The following B3GAT2 variants were observed in gnomAD, a reference collection of about 807,000 sequenced individuals.
B3GAT2 encodes the protein galactosylgalactosylxylosylprotein 3-beta-glucuronosyltransferase 2.
Under a neutral mutation model 27.8 loss-of-function variants are expected in B3GAT2, and 26 were observed. The observed-to-expected ratio is 0.93, with a 90% CI of 0.68 to 1.30. The LOEUF (loss-of-function observed/expected upper bound fraction) is 1.30, where lower values mean the gene tolerates loss of function less well. Ranked by LOEUF, B3GAT2 falls within the 50% of genes most tolerant of loss-of-function variation. The pLI is 0.00. For missense variants in B3GAT2, 458 were observed against 459.0 expected, an observed-to-expected ratio of 1.00 and a Z score of 0.02; for synonymous variants, 218 against 195.1, an observed-to-expected ratio of 1.12 and a Z score of -0.98.
chr6:70,862,727 T>C (rs1316440551), intron 2 of B3GAT2, among the ~76,000 whole-genome samples: 6 of 152,182 alleles, frequency 3.9e-5, no homozygotes, highest in Non-Finnish European at 8.8e-5. Flanking sequence ...CTCAGCACTT[T>C]GGGAGGCCAA....
In B3GAT2 at chr6:70,902,637, T is replaced by TAC. The variant is rs1211771771; in HGVS notation, c.592-8367_592-8366dup. On this transcript the variant is annotated intron_variant, in intron 1 of 3. Transcript: ENST00000230053. ...AATGGGATATATATATATATATATA[T>TAC]ACACACACACACACACACACACACA... Among the ~76,000 whole-genome samples the TAC allele has an allele frequency of 2.0e-3, 270 of 133,460 alleles. 1 individual carries two copies. Among genetic ancestry groups the TAC allele is most frequent in the Middle Eastern group, 0.015 (4 of 264 alleles). The allele number at this position is 133,460 out of a possible 152,430, so 87.6% of individuals were successfully genotyped here.
chr6:70,938,477 G>A (rs1174962534), intron 1 of B3GAT2, among the ~76,000 whole-genome samples: 1 of 151,862 alleles, frequency 6.6e-6, no homozygotes, highest in African/African-American at 2.4e-5. Flanking sequence ...CAAAGCTGGA[G>A]GCATCACACT....
chr6:70,882,699 A>C (rs552231346), intron 2 of B3GAT2, among the ~76,000 whole-genome samples: 15 of 152,292 alleles, frequency 9.8e-5, no homozygotes, highest in African/African-American at 3.4e-4. Flanking sequence ...AGCAAGAATA[A>C]ACCAAACAAC....
At chr6:70,910,168 C>A (rs533951586) in intron 1 of B3GAT2, among the ~76,000 whole-genome samples, 5 of 152,146 alleles carry the variant, frequency 3.3e-5, no homozygotes, top group African/African-American at 1.2e-4. Context: ...CCACTGTGCC[C>A]GGCCCCTCTT....
intron 1 of B3GAT2, among the ~76,000 whole-genome samples, chr6:70,912,009 T>A (rs751911921): frequency 2.7e-4 from 41 of 152,316 alleles, no homozygotes; most frequent in Non-Finnish European, 5.3e-4. Context: ...ACACTGCAAC[T>A]TTGCTGAAGT....
chr6:70,908,897 C>A (rs1367888373), intron 1 of B3GAT2, among the ~76,000 whole-genome samples: 2 of 152,052 alleles, frequency 1.3e-5, no homozygotes, highest in Non-Finnish European at 2.9e-5. Context: ...ATGGAGAGAA[C>A]CTTTTAAGAT....
rs768419572 is a variant in B3GAT2 at position 70,955,937 on chromosome 6, C to A, written c.493G>T (p.Ala165Ser). 9 of 1,583,800 alleles carry A rather than the reference C, an allele frequency of 5.7e-6. No individual in the cohort carries two copies. Among genetic ancestry groups the A allele is most frequent in the Non-Finnish European group, 7.7e-6 (9 of 1,167,128 alleles). The change falls in exon 1 of 4, where the codon GCC becomes TCC. Residue 165 changes from alanine (A) to serine (S), a missense_variant. Physicochemically the swap from Ala to Ser is moderately conservative, Grantham distance 99. Transcript: ENST00000230053. ...RATEQRNAGL[A>S]WLRQRHQHQR... Reference sequence around the variant, plus strand: ...TGCTGGTGCCTCTGGCGCAGCCAGGCGAGGCCCGCGTTGCGCTGCTCAGTG... The same window carrying A: ...TGCTGGTGCCTCTGGCGCAGCCAGGAGAGGCCCGCGTTGCGCTGCTCAGTG...
intron 1 of B3GAT2, among the ~76,000 whole-genome samples, chr6:70,907,803 C>G (rs988014413): frequency 6.6e-6 from 1 of 152,206 alleles, no homozygotes; most frequent in South Asian, 2.1e-4. Flanking sequence ...CCCTGGCAAA[C>G]TTTGTGAGAC....
chr6:70,941,007 G>T (rs944930269), intron 1 of B3GAT2, among the ~76,000 whole-genome samples: 1 of 152,138 alleles, frequency 6.6e-6, no homozygotes, highest in African/African-American at 2.4e-5. Flanking sequence ...TCCTTTAGAT[G>T]CTTTTAGTTC....
At chr6:70,881,394 C>CT (rs540028254) in intron 2 of B3GAT2, among the ~76,000 whole-genome samples, 1 of 152,108 alleles carries the variant, frequency 6.6e-6, no homozygotes, top group East Asian at 1.9e-4. Flanking sequence ...TCTTGGTTTA[C>CT]TTTTTTTAAT....
intron 1 of B3GAT2, among the ~76,000 whole-genome samples, chr6:70,922,246 GAA>G (rs1772881785): frequency 6.6e-6 from 1 of 152,112 alleles, no homozygotes; most frequent in African/African-American, 2.4e-5. Flanking sequence ...AAAGGTAAAA[GAA>G]AAGTCTTCTA....
At chr6:70,928,377 C>CA (rs1164931186) in intron 1 of B3GAT2, among the ~76,000 whole-genome samples, 4 of 151,210 alleles carry the variant, frequency 2.6e-5, no homozygotes, top group South Asian at 2.1e-4. Flanking sequence ...AAAAAAACTT[C>CA]AAAAAATCAA....
At chr6:70,888,194 T>G (rs1445690305) in intron 2 of B3GAT2, among the ~76,000 whole-genome samples, 1 of 151,510 alleles carries the variant, frequency 6.6e-6, no homozygotes, top group Admixed American at 6.6e-5. Context: ...CAGTGAATCC[T>G]GAGCTTGAAA....
In B3GAT2 at chr6:70,956,771, C is replaced by A. The variant is rs1562241262; in HGVS notation, c.-342G>T. 26 of 1,171,466 alleles carry A rather than the reference C, an allele frequency of 2.2e-5. No individual in the cohort carries two copies. The highest frequency in any genetic ancestry group is 2.7e-5 in the Non-Finnish European group (26 of 946,728). The allele number at this position is 1,171,466 out of a possible 1,614,324, so 72.6% of individuals were successfully genotyped here. A position where few individuals can be genotyped will look rare whatever the true frequency, so the allele number is the denominator to read the frequency against. On this transcript the variant is annotated 5_prime_UTR_variant, in exon 1 of 4. Coordinates refer to ENST00000230053, the MANE Select transcript of B3GAT2 (RefSeq NM_080742.3). ...GAAAGGCGCTGATCCCCACCGCGCTCTTTCTGAAGAGTGGAAGCCGAGAAG... is the reference window on the plus strand; with the variant it reads ...GAAAGGCGCTGATCCCCACCGCGCTATTTCTGAAGAGTGGAAGCCGAGAAG...
Position 70,920,046 on chromosome 6 carries a change from A to G in B3GAT2, c.592-25774T>C, listed in dbSNP as rs529862548. On this transcript the variant is annotated intron_variant, in intron 1 of 3. Coordinates refer to ENST00000230053, the MANE Select transcript of B3GAT2 (RefSeq NM_080742.3). ...GAGGCAGTAGGCCTTGCTGAGCTGC[A>G]GTGGGCTCCGTCCAGTTCAAGCTTC... 1.2e-4 allele frequency among the ~76,000 whole-genome samples: 19 copies of G among 152,258 alleles called. 1 individual carries two copies. The highest frequency in any genetic ancestry group is 1.0e-3 in the Admixed American group (16 of 15,288).
intron 2 of B3GAT2, among the ~76,000 whole-genome samples, chr6:70,878,780 C>A (rs1055465432): frequency 2.6e-5 from 4 of 151,180 alleles, no homozygotes; most frequent in Non-Finnish European, 5.9e-5. Context: ...TTTAAAATTC[C>A]TTATTTAAAA....
At chr6:70,894,466 C>T (rs765447073) in intron 1 of B3GAT2, among the ~76,000 whole-genome samples, 194 bp from the exon 2 acceptor site, 1 of 152,178 alleles carries the variant, frequency 6.6e-6, no homozygotes, top group Non-Finnish European at 1.5e-5. Flanking sequence ...ATGATCTCTA[C>T]TCGGTCATAA....
intron 1 of B3GAT2, among the ~76,000 whole-genome samples, chr6:70,950,124 C>T (rs1765556120): frequency 6.6e-6 from 1 of 151,808 alleles, no homozygotes; most frequent in Admixed American, 6.6e-5. Context: ...TTAATGGGTG[C>T]AGCACACCAG....
In B3GAT2 at chr6:70,861,444, C is replaced by T. The variant is rs1171240120; in HGVS notation, c.*219G>A. On this transcript the variant is annotated 3_prime_UTR_variant, in exon 4 of 4. Transcript: ENST00000230053. The stretch of plus-strand genomic sequence containing the variant: ...ATTTAGTTGTTGTAGAGAAAACATG[C>T]AGAACAAATGAAGACAAAACATACA... 5.6e-6 allele frequency: 3 copies of T among 532,652 alleles called. No homozygotes were observed. Among genetic ancestry groups the T allele is most frequent in the South Asian group, 5.4e-5 (2 of 37,312 alleles). 33.0% of individuals were successfully genotyped at this position (532,652 alleles called of 1,614,324 possible). A position where few individuals can be genotyped will look rare whatever the true frequency, so the allele number is the denominator to read the frequency against.
Sources: allele counts gnomAD v4.1 joint callset (sites outside exome capture counted in the v4.1 genomes callset), GRCh38; gene constraint gnomAD v4.1.1; transcripts MANE v1.5; gene names NCBI Gene and HGNC (gene_info 2026-07-23, HGNC 2026-07-21).